TMEM135: variants seen among roughly 807,000 people sequenced by gnomAD.
TMEM135 encodes the protein transmembrane protein 135.
In TMEM135, 30 loss-of-function variants were observed where a neutral mutation model predicts 60.3. The ratio of observed to expected loss-of-function variants is 0.50; its 90% CI spans 0.37 to 0.68. The LOEUF is 0.68. Ranked by LOEUF, TMEM135 falls within the 30% of genes least tolerant of loss-of-function variation. TMEM135 has a pLI of 0.00. For synonymous variants in TMEM135, 190 were observed against 186.7 expected (o/e 1.02, Z -0.14); for missense variants, 468 against 548.8 (o/e 0.85, Z 1.47).
At chr11:87,319,481 T>G in intron 14 of TMEM135, 104 bp downstream of exon 14, 1 of 814,892 alleles carries the variant, frequency 1.2e-6, no homozygotes, top group Non-Finnish European at 2.0e-6. Flanking sequence ...AAATAAAATA[T>G]GAGTAACTTA....
intron 6 of TMEM135, among the ~76,000 whole-genome samples, chr11:87,252,792 A>ATG (rs1941445355): frequency 2.3e-5 from 1 of 42,990 alleles, no homozygotes; most frequent in Non-Finnish European, 8.0e-5. Flanking sequence ...AAAAATTAAA[A>ATG]TATATATGTG....
intron 5 of TMEM135, among the ~76,000 whole-genome samples, chr11:87,184,692 C>T (rs539894): frequency 0.3 from 44,947 of 151,798 alleles, 7,083 homozygotes; most frequent in African/African-American, 0.39. Flanking sequence ...AATGAAATCA[C>T]TGTCTTTATT....
Position 87,322,001 on chromosome 11 carries a change from T to C in TMEM135, c.*668T>C, listed in dbSNP as rs542509671. The C allele has an allele frequency of 2.2e-6, 1 of 454,482 alleles. No individual in the cohort carries two copies. Among genetic ancestry groups the C allele is most frequent in the Admixed American group, 2.4e-5 (1 of 42,548 alleles). 28.2% of individuals were successfully genotyped at this position (454,482 alleles called of 1,614,324 possible). A position where few individuals can be genotyped will look rare whatever the true frequency, so the allele number is the denominator to read the frequency against. Reference sequence around the variant, plus strand: ...CTTCATGACCAGTTAATTGGGCTATTTGGCAGCCCAGTGAACCTATGTACT... The same window carrying C: ...CTTCATGACCAGTTAATTGGGCTATCTGGCAGCCCAGTGAACCTATGTACT... On this transcript the variant is annotated 3_prime_UTR_variant, in exon 15 of 15. Transcript: ENST00000305494.
intron 6 of TMEM135, among the ~76,000 whole-genome samples, chr11:87,285,645 T>TA (rs1383237113): frequency 6.6e-6 from 1 of 152,144 alleles, no homozygotes; most frequent in African/African-American, 2.4e-5. Context: ...TCACAGCTCA[T>TA]AAAAGAAGTG....
chr11:87,204,634 A>T (rs1007680223), intron 5 of TMEM135, among the ~76,000 whole-genome samples: 8 of 152,310 alleles, frequency 5.3e-5, no homozygotes, highest in African/African-American at 1.9e-4. Context: ...TTATTAAGAA[A>T]CTCATAAGGA....
chr11:87,287,532 C>G (rs1055291260), intron 6 of TMEM135, among the ~76,000 whole-genome samples: 2 of 152,086 alleles, frequency 1.3e-5, no homozygotes, highest in Non-Finnish European at 2.9e-5. Context: ...CAAAAATTAG[C>G]CGGGCCTAGT....
At chr11:87,231,472 T>C (rs1038864295) in intron 5 of TMEM135, among the ~76,000 whole-genome samples, 1 of 152,210 alleles carries the variant, frequency 6.6e-6, no homozygotes, top group Non-Finnish European at 1.5e-5. Context: ...CTTGTTAAAA[T>C]ATCTTAAAAG....
intron 1 of TMEM135, among the ~76,000 whole-genome samples, chr11:87,055,089 T>C (rs150650245): frequency 1.4e-3 from 212 of 152,306 alleles, no homozygotes; most frequent in African/African-American, 4.0e-3. Context: ...GTAAGTGCTA[T>C]TAAGAAGACG....
intron 5 of TMEM135, among the ~76,000 whole-genome samples, chr11:87,224,234 C>A (rs1940717135): frequency 6.6e-6 from 1 of 152,198 alleles, no homozygotes; most frequent in African/African-American, 2.4e-5. Flanking sequence ...TGGGATTAAA[C>A]TGGCTATCAA....
At chr11:87,196,782 T>C (rs886528664) in intron 5 of TMEM135, among the ~76,000 whole-genome samples, 8 of 152,172 alleles carry the variant, frequency 5.3e-5, no homozygotes, top group African/African-American at 9.6e-5. Context: ...TTTCAGACTT[T>C]AACGCATAAT....
At chr11:87,122,314 T>C (rs1937614436) in intron 4 of TMEM135, among the ~76,000 whole-genome samples, 1 of 137,196 alleles carries the variant, frequency 7.3e-6, no homozygotes, top group Non-Finnish European at 1.5e-5. Flanking sequence ...GCTAGGTTTT[T>C]TTTTTTTTTT....
chr11:87,239,281 T>C (rs1941077459), intron 6 of TMEM135, among the ~76,000 whole-genome samples: 1 of 152,116 alleles, frequency 6.6e-6, no homozygotes, highest in Admixed American at 6.6e-5. Flanking sequence ...AAAGAAGTAC[T>C]ATCACCAAAT....
chr11:87,157,331 T>A lies in TMEM135; in HGVS notation c.397-10T>A, dbSNP rs200803704. On this transcript the variant is annotated splice_polypyrimidine_tract_variant and intron_variant, in intron 4 of 14. Transcript: ENST00000305494. The stretch of plus-strand genomic sequence containing the variant: ...ATATATTTTTGCTGTTTTTTTTTTT[T>A]AATTTACAGGCCACAGAAACACTAT... 14 of 1,603,182 alleles carry A rather than the reference T, an allele frequency of 8.7e-6. No homozygotes were observed. The highest frequency in any genetic ancestry group is 1.1e-5 in the Non-Finnish European group (13 of 1,173,830).
At chr11:87,167,481 C>T (rs1939087827) in intron 5 of TMEM135, among the ~76,000 whole-genome samples, 1 of 152,102 alleles carries the variant, frequency 6.6e-6, no homozygotes, top group Non-Finnish European at 1.5e-5. Context: ...AGATATGATC[C>T]ATCAATACCT....
At chr11:87,138,200 C>T (rs1191132328) in intron 4 of TMEM135, among the ~76,000 whole-genome samples, 3 of 150,932 alleles carry the variant, frequency 2.0e-5, no homozygotes, top group African/African-American at 2.4e-5. Context: ...AAGTGATTCT[C>T]CTGCCTCAGC....
chr11:87,286,614 A>G (rs966153036), intron 6 of TMEM135, among the ~76,000 whole-genome samples: 7 of 151,992 alleles, frequency 4.6e-5, no homozygotes, highest in African/African-American at 1.7e-4. Flanking sequence ...GGAGCACACC[A>G]CGGGGTGGGG....
intron 5 of TMEM135, among the ~76,000 whole-genome samples, chr11:87,195,495 C>T (rs2135323221): frequency 6.6e-6 from 1 of 151,884 alleles, no homozygotes; most frequent in African/African-American, 2.4e-5. Flanking sequence ...GGCATGATCT[C>T]AGCTCGCCGC....
At chr11:87,271,202 T>C (rs1941854996) in intron 6 of TMEM135, among the ~76,000 whole-genome samples, 1 of 152,174 alleles carries the variant, frequency 6.6e-6, no homozygotes, top group Non-Finnish European at 1.5e-5. Flanking sequence ...CAAAAAAATA[T>C]CTGTAATCAT....
chr11:87,299,943 G>A (rs987316438), intron 7 of TMEM135, among the ~76,000 whole-genome samples: 3 of 152,262 alleles, frequency 2.0e-5, no homozygotes, highest in African/African-American at 7.2e-5. Flanking sequence ...TCTGGTGGGG[G>A]CGAGTGGGAA....
Sources: gnomAD v4.1 joint callset for allele counts (sites outside exome capture counted in the v4.1 genomes callset) on GRCh38, gnomAD v4.1.1 for gene constraint, MANE v1.5 for transcripts, NCBI Gene and HGNC (gene_info 2026-07-23, HGNC 2026-07-21) for gene names.